The following CTNNA3 variants were observed in gnomAD, a reference collection of about 807,000 sequenced individuals.
CTNNA3 encodes the protein catenin alpha 3, also known as catenin alpha-3.
Under a neutral mutation model 95.7 loss-of-function variants are expected in CTNNA3, and 76 were observed. The ratio of observed to expected loss-of-function variants is 0.79; its 90% CI spans 0.66 to 0.96. CTNNA3 has a LOEUF of 0.96. Among genes scored for constraint, CTNNA3 ranks in the 40% least tolerant of loss-of-function variants. The pLI, the probability that CTNNA3 is intolerant of heterozygous loss-of-function variation, is 0.00. For synonymous variants in CTNNA3, 431 were observed against 374.4 expected (o/e 1.15, Z -1.74); for missense variants, 1,191 against 1,089.8 (o/e 1.09, Z -1.31).
intron 17 of CTNNA3, among the ~76,000 whole-genome samples, chr10:65,962,510 C>G (rs936914773): frequency 6.6e-6 from 1 of 152,026 alleles, no homozygotes; most frequent in Non-Finnish European, 1.5e-5. Flanking sequence ...CCTTTCCATT[C>G]TCATCAATAT....
intron 5 of CTNNA3, among the ~76,000 whole-genome samples, chr10:67,338,969 T>C (rs935441637): frequency 6.6e-6 from 1 of 152,200 alleles, no homozygotes; most frequent in African/African-American, 2.4e-5. Flanking sequence ...CATGGAATCA[T>C]TGGGGTCTTC....
At chr10:66,200,854 A>C (rs1449972298) in intron 13 of CTNNA3, among the ~76,000 whole-genome samples, 1 of 152,210 alleles carries the variant, frequency 6.6e-6, no homozygotes, top group Non-Finnish European at 1.5e-5. Context: ...CACTTTGTAG[A>C]AAACATTTCA....
At chr10:66,268,783 A>G (rs901136392) in intron 13 of CTNNA3, among the ~76,000 whole-genome samples, 2 of 152,168 alleles carry the variant, frequency 1.3e-5, no homozygotes, top group Non-Finnish European at 2.9e-5. Flanking sequence ...AGGAAAGTAC[A>G]TTGCATTGAG....
chr10:66,909,183 G>T (rs1439174723), intron 7 of CTNNA3, among the ~76,000 whole-genome samples: 1 of 152,084 alleles, frequency 6.6e-6, no homozygotes, highest in Non-Finnish European at 1.5e-5. Context: ...AATTGCCCCT[G>T]TACATGTTGA....
At chr10:67,185,703 C>T (rs1183934109) in intron 6 of CTNNA3, among the ~76,000 whole-genome samples, 1 of 151,988 alleles carries the variant, frequency 6.6e-6, no homozygotes. Context: ...TACAAACTTT[C>T]CACTACAATG....
At chr10:66,597,507 CATACATATATATATATATATAT>C (rs1192591818) in intron 10 of CTNNA3, among the ~76,000 whole-genome samples, 4 of 79,616 alleles carry the variant, frequency 5.0e-5, no homozygotes, top group African/African-American at 9.8e-5. Flanking sequence ...CATTTTATTT[CATACATATATATATATATATAT>C]ATATATATAT....
intron 7 of CTNNA3, among the ~76,000 whole-genome samples, chr10:66,978,344 G>T (rs942215399): frequency 6.6e-6 from 1 of 151,278 alleles, no homozygotes; most frequent in Non-Finnish European, 1.5e-5. Context: ...TGGCCAACAT[G>T]GCAAAACCCT....
chr10:67,757,694 T>C (rs1841441330), intron 1 of CTNNA3, among the ~76,000 whole-genome samples: 1 of 152,216 alleles, frequency 6.6e-6, no homozygotes, highest in Admixed American at 6.5e-5. Context: ...GGCCACAGAC[T>C]GAAGGCTGTT....
Position 67,184,609 on chromosome 10 carries a change from A to G in CTNNA3, c.844-4089T>C, listed in dbSNP as rs150064143. 1.3e-3 allele frequency among the ~76,000 whole-genome samples: 196 copies of G among 152,304 alleles called. 2 individuals carry two copies. The highest frequency in any genetic ancestry group is 4.6e-3 in the African/African-American group (193 of 41,576). The stretch of plus-strand genomic sequence containing the variant: ...CCTTTTCAATTAAGACATGAACAAG[A>G]TTAATTTTTTTCCCACAAATTGATG... On this transcript the variant is annotated intron_variant, in intron 6 of 17. Transcript: ENST00000433211.
chr10:67,696,731 C>G (rs145604335), upstream of CTNNA3, among the ~76,000 whole-genome samples: 299 of 152,218 alleles, frequency 2.0e-3, 1 homozygote, highest in African/African-American at 6.6e-3. Flanking sequence ...AAAGTCTTCT[C>G]CACCAAAATT....
At chr10:66,869,818 A>G (rs1162837848) in intron 7 of CTNNA3, among the ~76,000 whole-genome samples, 6 of 152,168 alleles carry the variant, frequency 3.9e-5, no homozygotes, top group Non-Finnish European at 7.3e-5. Flanking sequence ...TCTGCCAAGT[A>G]TAATAGCTGA....
In CTNNA3 at chr10:67,217,056, G is replaced by A. The variant is rs141279276; in HGVS notation, c.843+2551C>T. Among the ~76,000 whole-genome samples the A allele has an allele frequency of 3.7e-3, 564 of 152,232 alleles. 2 individuals are homozygous for A. The highest frequency in any genetic ancestry group is 0.018 in the South Asian group (88 of 4,826). On this transcript the variant is annotated intron_variant, in intron 6 of 17. Transcript: ENST00000433211. ...CATACTCACACCCAGCCAAGGGCCA[G>A]AATGAAAAATTTAACAAAAGCTTCA...
intron 7 of CTNNA3, among the ~76,000 whole-genome samples, chr10:66,821,492 G>C (rs575892445): frequency 6.6e-6 from 1 of 152,206 alleles, no homozygotes; most frequent in African/African-American, 2.4e-5. Flanking sequence ...AGGTATTCAA[G>C]AATTCACCAC....
chr10:66,928,083 T>A (rs952590036), intron 7 of CTNNA3: 2 of 1,614,022 alleles, frequency 1.2e-6, no homozygotes, highest in Non-Finnish European at 1.7e-6. Flanking sequence ...GGCCGAAGCA[T>A]GAGAGCAAAC....
At chr10:66,897,198 A>C (rs935321647) in intron 7 of CTNNA3, among the ~76,000 whole-genome samples, 5 of 152,160 alleles carry the variant, frequency 3.3e-5, no homozygotes, top group African/African-American at 1.2e-4. Context: ...GAAAATAAGC[A>C]AAGTGTTTAA....
chr10:67,688,070 T>C lies in CTNNA3; in HGVS notation c.-6+7930A>G, dbSNP rs915074318. ...CATTCTTTTCATTAAAGGCCAGAGT[T>C]TGACCTAATAGCATGATATCTCTCC... On this transcript the variant is annotated intron_variant, in intron 1 of 17. Transcript: ENST00000433211. Among the ~76,000 whole-genome samples, 5 of 152,194 alleles carry C rather than the reference T, an allele frequency of 3.3e-5. No homozygotes were observed. In the East Asian group the frequency reaches 7.7e-4, roughly 23 times the overall value.
At chr10:67,023,314 G>A (rs1853146527) in intron 7 of CTNNA3, among the ~76,000 whole-genome samples, 1 of 152,134 alleles carries the variant, frequency 6.6e-6, no homozygotes, top group African/African-American at 2.4e-5. Context: ...TCTATGTAGA[G>A]TAGAATAAGA....
intron 13 of CTNNA3, among the ~76,000 whole-genome samples, chr10:66,258,703 T>C (rs942521671): frequency 6.6e-6 from 1 of 152,034 alleles, no homozygotes; most frequent in African/African-American, 2.4e-5. Flanking sequence ...CCTAGTATCC[T>C]AGGAATCCCT....
At chr10:66,459,379 C>T (rs2093513915) in intron 11 of CTNNA3, among the ~76,000 whole-genome samples, 1 of 152,072 alleles carries the variant, frequency 6.6e-6, no homozygotes, top group Admixed American at 6.6e-5. Flanking sequence ...GTCAGCAATC[C>T]TAACCCCTGA....
Sources: gnomAD v4.1 joint callset for allele counts (sites outside exome capture counted in the v4.1 genomes callset) on GRCh38, gnomAD v4.1.1 for gene constraint, MANE v1.5 for transcripts, NCBI Gene and HGNC (gene_info 2026-07-23, HGNC 2026-07-21) for gene names.